ZNF503: variants seen among roughly 807,000 people sequenced by gnomAD.
ZNF503 encodes the protein zinc finger protein 503.
ZNF503 carries 15 observed loss-of-function variants against 34.4 expected under a neutral mutation model. The ratio of observed to expected loss-of-function variants is 0.44; its 90% confidence interval spans 0.29 to 0.67. The LOEUF (loss-of-function observed/expected upper bound fraction) is 0.67, where lower values mean the gene tolerates loss of function less well. Among genes scored for constraint, ZNF503 ranks in the 30% least tolerant of loss-of-function variants. The pLI is 0.13. For missense variants in ZNF503, 1,007 were observed against 926.8 expected (o/e 1.09, Z -1.12); for synonymous variants, 580 against 456.8 (o/e 1.27, Z -3.44).
chr10:75,329,457 TTC>T, the ZNF503 span, among the ~76,000 whole-genome samples: 5 of 136,152 alleles, frequency 3.7e-5, no homozygotes, highest in East Asian at 4.2e-4. Context: ...CTTTCTTTCT[TTC>T]TCTTTCTTTC....
the ZNF503 span, among the ~76,000 whole-genome samples, chr10:75,341,631 G>T: frequency 6.6e-6 from 1 of 152,150 alleles, no homozygotes; most frequent in Admixed American, 6.5e-5. Flanking sequence ...CTTAGCAAAA[G>T]TAATTAAAAT....
At chr10:75,369,701 A>G in the ZNF503 span, among the ~76,000 whole-genome samples, 1 of 152,238 alleles carries the variant, frequency 6.6e-6, no homozygotes, top group African/African-American at 2.4e-5. Flanking sequence ...AAAACAATGC[A>G]GTTTTGTTAA....
the ZNF503 span, among the ~76,000 whole-genome samples, chr10:75,380,679 C>T: frequency 3.9e-5 from 6 of 152,324 alleles, no homozygotes; most frequent in African/African-American, 1.4e-4. Context: ...GAGATTCCGC[C>T]TTTGGAAATA....
chr10:75,359,887 C>T, the ZNF503 span, among the ~76,000 whole-genome samples: 7 of 152,062 alleles, frequency 4.6e-5, no homozygotes, highest in South Asian at 4.2e-4. Flanking sequence ...GAGAGTGAAG[C>T]CAATCACTTC....
chr10:75,336,204 T>C, the ZNF503 span, among the ~76,000 whole-genome samples: 1 of 152,224 alleles, frequency 6.6e-6, no homozygotes, highest in African/African-American at 2.4e-5. Flanking sequence ...TCACTTCTTC[T>C]ATTACACCTA....
chr10:75,294,615 C>T, the ZNF503 span, among the ~76,000 whole-genome samples: 1 of 152,020 alleles, frequency 6.6e-6, no homozygotes, highest in Admixed American at 6.6e-5. Flanking sequence ...GCCCAGACCT[C>T]ACTTGACCTC....
chr10:75,341,473 AACAG>A, the ZNF503 span, among the ~76,000 whole-genome samples: 1 of 152,212 alleles, frequency 6.6e-6, no homozygotes. Context: ...ATGTGAATAG[AACAG>A]ACAATCATTT....
At position 75,401,452 on chromosome 10, in the gene ZNF503, G is replaced by C; in HGVS notation, c.-33C>G. 1 of 1,519,054 alleles carries C rather than the reference G, an allele frequency of 6.6e-7. No individual in the cohort carries two copies. Among genetic ancestry groups the C allele is most frequent in the Non-Finnish European group, 8.8e-7 (1 of 1,140,296 alleles). 94.1% of individuals were successfully genotyped at this position (1,519,054 alleles called of 1,614,324 possible). A position where few individuals can be genotyped will look rare whatever the true frequency, so the allele number is the denominator to read the frequency against. On this transcript the variant is annotated 5_prime_UTR_variant, in exon 1 of 2. Transcript: ENST00000372524. ...CCGCGCGCATGGGAGCAGCGGGGGG[G>C]AGGGCTCCGGGAGGCGCGGGGCGGG...
chr10:75,389,314 T>A, the ZNF503 span, among the ~76,000 whole-genome samples: 1 of 152,212 alleles, frequency 6.6e-6, no homozygotes, highest in Non-Finnish European at 1.5e-5. Context: ...TTACTCCCTC[T>A]AGTTTCCCAG....
At chr10:75,333,563 G>A in the ZNF503 span, among the ~76,000 whole-genome samples, 1 of 84,562 alleles carries the variant, frequency 1.2e-5, no homozygotes, top group Non-Finnish European at 2.3e-5. Context: ...CCTCCCGGAC[G>A]GGGCAGCTGG....
At chr10:75,281,512 AG>A in the ZNF503 span, among the ~76,000 whole-genome samples, 1 of 152,180 alleles carries the variant, frequency 6.6e-6, no homozygotes, top group African/African-American at 2.4e-5. Context: ...GACAGTGATA[AG>A]AACTTCCTCA....
the ZNF503 span, among the ~76,000 whole-genome samples, chr10:75,347,324 C>T: frequency 2.0e-5 from 3 of 152,266 alleles, no homozygotes; most frequent in Admixed American, 2.0e-4. Flanking sequence ...TGTGACCCCT[C>T]GACTTATTTC....
the ZNF503 span, among the ~76,000 whole-genome samples, chr10:75,327,950 A>T: frequency 1.3e-5 from 2 of 151,690 alleles, no homozygotes; most frequent in South Asian, 2.1e-4. Context: ...AAATAATAAT[A>T]ATTATTATTA....
the ZNF503 span, among the ~76,000 whole-genome samples, chr10:75,288,028 T>C: frequency 6.6e-6 from 1 of 152,182 alleles, no homozygotes; most frequent in Non-Finnish European, 1.5e-5. Flanking sequence ...ATCACTGCCC[T>C]GCAGGTGGAG....
chr10:75,385,566 C>T, the ZNF503 span, among the ~76,000 whole-genome samples: 2 of 152,182 alleles, frequency 1.3e-5, no homozygotes, highest in Admixed American at 6.5e-5. Flanking sequence ...AACACTCCCA[C>T]ATGGCCTGTC....
the ZNF503 span, among the ~76,000 whole-genome samples, chr10:75,313,429 G>A: frequency 6.6e-6 from 1 of 152,232 alleles, no homozygotes; most frequent in Non-Finnish European, 1.5e-5. Flanking sequence ...TTTGTCAGTA[G>A]GGAAAAGTGA....
At chr10:75,298,116 C>T in the ZNF503 span, among the ~76,000 whole-genome samples, 2 of 152,206 alleles carry the variant, frequency 1.3e-5, no homozygotes, top group African/African-American at 4.8e-5. Flanking sequence ...AGTCAGTACT[C>T]AGTTCCAGCC....
the ZNF503 span, among the ~76,000 whole-genome samples, chr10:75,317,482 T>C: frequency 1.9e-4 from 29 of 151,062 alleles, no homozygotes; most frequent in East Asian, 5.7e-3. Context: ...AGACGGGGTT[T>C]CACCGTGTTA....
At chr10:75,310,175 T>G in the ZNF503 span, among the ~76,000 whole-genome samples, 1 of 152,322 alleles carries the variant, frequency 6.6e-6, no homozygotes, top group Non-Finnish European at 1.5e-5. Flanking sequence ...AGGCTTACTT[T>G]TCTCTAAGTA....
Sources: gnomAD v4.1 joint callset for allele counts (sites outside exome capture counted in the v4.1 genomes callset) on GRCh38, gnomAD v4.1.1 for gene constraint, MANE v1.5 for transcripts, NCBI Gene and HGNC (gene_info 2026-07-23, HGNC 2026-07-21) for gene names.